The following RAD51B variants were observed in gnomAD, a reference collection of about 807,000 sequenced individuals.
RAD51B encodes RAD51 paralog B, also known as DNA repair protein RAD51 homolog 2.
Under a neutral mutation model 42.2 loss-of-function variants are expected in RAD51B, and 38 were observed. That is an observed-to-expected ratio of 0.90 (90% CI 0.70 to 1.18). The LOEUF is 1.18. RAD51B is among the 50% of genes most tolerant of loss of function. The pLI, the probability that RAD51B is intolerant of heterozygous loss-of-function variation, is 0.00. For synonymous variants in RAD51B, 154 were observed against 145.2 expected, an observed-to-expected ratio of 1.06 and a Z score of -0.43; for missense variants, 373 against 400.7, an observed-to-expected ratio of 0.93 and a Z score of 0.59.
chr14:67,881,716 T>A (rs942562676), intron 5 of RAD51B, among the ~76,000 whole-genome samples: 2 of 152,212 alleles, frequency 1.3e-5, no homozygotes, highest in Non-Finnish European at 2.9e-5. Context: ...AGCTTTCTAT[T>A]GTTCAGTACC....
intron 9 of RAD51B, among the ~76,000 whole-genome samples, chr14:68,453,010 C>T (rs1023747576): frequency 3.3e-5 from 5 of 152,014 alleles, no homozygotes; most frequent in African/African-American, 7.3e-5. Context: ...TATTGAGTAG[C>T]CTTAAGAGGA....
chr14:68,547,047 C>T (rs1247198212), intron 10 of RAD51B, among the ~76,000 whole-genome samples: 1 of 152,088 alleles, frequency 6.6e-6, no homozygotes, highest in African/African-American at 2.4e-5. Context: ...TTTTTTTGTG[C>T]AACTCCAACT....
In RAD51B at chr14:68,255,215, CT is replaced by C. The variant is rs35956075; in HGVS notation, c.757-36664del. Among the ~76,000 whole-genome samples, 15 of 152,064 alleles carry C rather than the reference CT, an allele frequency of 9.9e-5. No homozygotes were observed. The East Asian group carries it at 2.5e-3, about 25-fold the overall frequency. Reference sequence around the variant, plus strand: ...TTGTGTTTCAACTATTTTCAGAAAACTTTTTCTCTTTGTGGTCTAAGAAAGA... The same window carrying C: ...TTGTGTTTCAACTATTTTCAGAAAACTTTTCTCTTTGTGGTCTAAGAAAGA... On this transcript the variant is annotated intron_variant, in intron 7 of 10. Coordinates refer to ENST00000471583, the MANE Select transcript of RAD51B (RefSeq NM_133510.4).
intron 7 of RAD51B, among the ~76,000 whole-genome samples, chr14:68,280,654 GA>G (rs1431195012): frequency 2.0e-5 from 3 of 152,226 alleles, no homozygotes; most frequent in African/African-American, 7.2e-5. Context: ...TAGGGTTAGA[GA>G]TGTAGAAACA....
chr14:67,854,775 T>G (rs1483806251), intron 4 of RAD51B, among the ~76,000 whole-genome samples: 4 of 151,186 alleles, frequency 2.6e-5, no homozygotes, highest in African/African-American at 9.7e-5. Context: ...CCAGCCTGAG[T>G]AACATAGCAA....
At chr14:68,520,306 A>G (rs1886484427) in intron 10 of RAD51B, among the ~76,000 whole-genome samples, 1 of 152,190 alleles carries the variant, frequency 6.6e-6, no homozygotes, top group South Asian at 2.1e-4. Context: ...ACATAATCCA[A>G]AGCCACATGT....
At chr14:68,504,662 C>CTTTTTTTTTTTTTCTTTTTT (rs1885164537) in intron 10 of RAD51B, among the ~76,000 whole-genome samples, 1 of 90,434 alleles carries the variant, frequency 1.1e-5, no homozygotes, top group Non-Finnish European at 2.1e-5. Flanking sequence ...TTTTTTCTTT[C>CTTTTTTTTTTTTTCTTTTTT]TTTTTTTTTT....
chr14:68,572,999 G>A (rs1889786163), intron 10 of RAD51B, among the ~76,000 whole-genome samples: 1 of 152,274 alleles, frequency 6.6e-6, no homozygotes, highest in East Asian at 1.9e-4. Context: ...CAGGTCATAT[G>A]TGATGGAGTC....
At chr14:68,615,101 G>C (rs1211784912), downstream of RAD51B, among the ~76,000 whole-genome samples, 1 of 152,168 alleles carries the variant, frequency 6.6e-6, no homozygotes, top group East Asian at 1.9e-4. Flanking sequence ...TCGATCTCTT[G>C]ACCTTGTGAT....
intron 10 of RAD51B, among the ~76,000 whole-genome samples, chr14:68,539,319 C>T (rs1380362487): frequency 6.6e-6 from 1 of 152,194 alleles, no homozygotes; most frequent in Non-Finnish European, 1.5e-5. Context: ...AGCCCCACCT[C>T]ATGGCCCCAT....
At chr14:67,839,830 C>A (rs1316411179) in intron 4 of RAD51B, among the ~76,000 whole-genome samples, 1 of 151,944 alleles carries the variant, frequency 6.6e-6, no homozygotes, top group Admixed American at 6.6e-5. Flanking sequence ...TTTCTTGAAG[C>A]ATTCTATTTT....
intron 10 of RAD51B, chr14:68,541,667 CT>C: frequency 7.1e-6 from 7 of 985,410 alleles, no homozygotes; most frequent in Non-Finnish European, 8.4e-6. Flanking sequence ...CCTTTGGGGC[CT>C]TGTTTGGGCC....
At chr14:68,633,534 A>G (rs1892280070) in intron 10 of RAD51B, among the ~76,000 whole-genome samples, 3 of 152,138 alleles carry the variant, frequency 2.0e-5, no homozygotes, top group Non-Finnish European at 4.4e-5. Context: ...TGACCGTGAG[A>G]GTGCAGCTGG....
At chr14:68,036,769 A>C (rs967969668) in intron 7 of RAD51B, among the ~76,000 whole-genome samples, 13 of 152,270 alleles carry the variant, frequency 8.5e-5, no homozygotes, top group African/African-American at 2.6e-4. Context: ...TTTAAACCTG[A>C]AAGTCATTGC....
At chr14:67,968,251 G>C (rs2074826140) in intron 7 of RAD51B, among the ~76,000 whole-genome samples, 1 of 152,232 alleles carries the variant, frequency 6.6e-6, no homozygotes, top group Admixed American at 6.5e-5. Context: ...TCTGTGATGA[G>C]AGGGGCTGCC....
rs1357947319 is a variant in RAD51B, at chr14:68,421,966, A to C, written c.957+10439A>C. 4 of 1,543,822 alleles carry C rather than the reference A, an allele frequency of 2.6e-6. No homozygotes were observed. In the East Asian group the frequency reaches 9.0e-5, roughly 35 times the overall value. On this transcript the variant is annotated intron_variant, in intron 9 of 10. Transcript: ENST00000471583. ...TTTTCAAATTTCTCCGTGTAGATGG[A>C]CTTGCCACCAGTGCCATTATGGTGA...
chr14:67,987,130 C>T (rs2075208321), intron 7 of RAD51B, among the ~76,000 whole-genome samples: 1 of 152,142 alleles, frequency 6.6e-6, no homozygotes, highest in African/African-American at 2.4e-5. Flanking sequence ...GTGTAATAAT[C>T]ACGTCATGGA....
chr14:67,967,554 A>T (rs1328604805), intron 7 of RAD51B, among the ~76,000 whole-genome samples: 1 of 152,248 alleles, frequency 6.6e-6, no homozygotes. Context: ...AAATTGGCTA[A>T]AACAAAGGGG....
At chr14:68,454,042 A>G (rs2085622210) in intron 9 of RAD51B, among the ~76,000 whole-genome samples, 1 of 152,230 alleles carries the variant, frequency 6.6e-6, no homozygotes, top group African/African-American at 2.4e-5. Flanking sequence ...AAGGAAGAGC[A>G]CCTGGAAATT....
Sources: allele counts gnomAD v4.1 joint callset (sites outside exome capture counted in the v4.1 genomes callset), GRCh38; gene constraint gnomAD v4.1.1; transcripts MANE v1.5; gene names NCBI Gene and HGNC (gene_info 2026-07-23, HGNC 2026-07-21).